The following DMXL1 variants were observed in gnomAD, a reference collection of about 807,000 sequenced individuals.
DMXL1 encodes the protein Dmx like 1, also known as dmX-like protein 1.
Under a neutral mutation model 319.2 loss-of-function variants are expected in DMXL1, and 99 were observed. The ratio of observed to expected loss-of-function variants is 0.31; its 90% CI spans 0.26 to 0.37. The LOEUF (loss-of-function observed/expected upper bound fraction) is 0.37, where lower values mean the gene tolerates loss of function less well. Ranked by LOEUF, DMXL1 falls within the 10% of genes least tolerant of loss-of-function variation. The probability of loss-of-function intolerance (pLI) is 1.00; values close to 1 mark genes in which losing one functional copy is unlikely to be tolerated. For synonymous variants in DMXL1, 1,385 were observed against 1,235.2 expected (o/e 1.12, Z -2.54); for missense variants, 3,745 against 3,595.6 (o/e 1.04, Z -1.06).
chr5:119,199,603 A>G (rs950823187), intron 32 of DMXL1, among the ~76,000 whole-genome samples: 3 of 152,158 alleles, frequency 2.0e-5, no homozygotes, highest in Admixed American at 6.5e-5. Flanking sequence ...TGCTAGGTCA[A>G]ATGATAGTTC....
At chr5:119,117,492 T>G (rs1761105644) in intron 7 of DMXL1, among the ~76,000 whole-genome samples, 1 of 147,136 alleles carries the variant, frequency 6.8e-6, no homozygotes. Flanking sequence ...GAAAAGAGAG[T>G]GAGAAAAAAT....
chr5:119,175,145 G>T, intron 25 of DMXL1, 116 bp from the exon 26 acceptor site: 2 of 602,990 alleles, frequency 3.3e-6, no homozygotes, highest in Non-Finnish European at 5.5e-6. Context: ...AGTTCATGAA[G>T]GCAAAGAATC....
At chr5:119,104,937 T>A (rs1758006928) in intron 3 of DMXL1, among the ~76,000 whole-genome samples, 1 of 152,208 alleles carries the variant, frequency 6.6e-6, no homozygotes. Flanking sequence ...AAGACTGTTA[T>A]CCAAGGTAGC....
intron 1 of DMXL1, among the ~76,000 whole-genome samples, chr5:119,082,318 G>C (rs1752432382): frequency 6.6e-6 from 1 of 151,588 alleles, no homozygotes; most frequent in Admixed American, 6.6e-5. Flanking sequence ...CTGTTGCCCA[G>C]GTTGGAGTGC....
chr5:119,125,352 C>G (rs1482344115), intron 9 of DMXL1, among the ~76,000 whole-genome samples: 2 of 152,112 alleles, frequency 1.3e-5, no homozygotes, highest in Non-Finnish European at 2.9e-5. Flanking sequence ...CATTTCCCCA[C>G]CTGCTGCTTA....
chr5:119,150,145 AAAG>A lies in DMXL1; in HGVS notation c.4321_4323del (p.Glu1441del). The A allele has an allele frequency of 1.2e-6, 2 of 1,613,870 alleles. No individual in the cohort carries two copies. The highest frequency in any genetic ancestry group is 1.7e-6 in the Non-Finnish European group (2 of 1,179,862). On this transcript the variant is annotated inframe_deletion, in exon 18 of 44. Transcript: ENST00000539542. Reference sequence around the variant, plus strand: ...GTTAAGTAAATCAAACCAATTATCTAAAGAAAGTTATGATGAGCTTTTTCAGAC... The same window carrying A: ...GTTAAGTAAATCAAACCAATTATCTAAAAGTTATGATGAGCTTTTTCAGAC...
chr5:119,122,929 G>A (rs1239179624), intron 9 of DMXL1, among the ~76,000 whole-genome samples: 1 of 152,188 alleles, frequency 6.6e-6, no homozygotes, highest in Non-Finnish European at 1.5e-5. Context: ...TGCAATCTCG[G>A]CACTTTGGGA....
chr5:119,164,386 C>A, intron 19 of DMXL1, 121 bp from the exon 20 acceptor site: 1 of 894,944 alleles, frequency 1.1e-6, no homozygotes, highest in Non-Finnish European at 1.6e-6. Flanking sequence ...TATTTCCAAT[C>A]TTAAACTGTG....
At chr5:119,229,828 A>G (rs1786329987) in intron 38 of DMXL1, among the ~76,000 whole-genome samples, 1 of 152,322 alleles carries the variant, frequency 6.6e-6, no homozygotes, top group South Asian at 2.1e-4. Flanking sequence ...GCAAATCTAT[A>G]TCTTTCATAA....
intron 32 of DMXL1, among the ~76,000 whole-genome samples, chr5:119,198,204 G>A (rs1035211388): frequency 2.0e-5 from 3 of 152,114 alleles, no homozygotes; most frequent in Non-Finnish European, 4.4e-5. Context: ...GGCCAGGCTG[G>A]TCTCAAACTC....
rs188620399 is a variant in DMXL1, at chr5:119,096,126, T to C, written c.88-1853T>C. ...CCATTTTTAATATTTTTTGATAGAG[T>C]ATACAGAATAATTTTGGTTTTGGTA... On this transcript the variant is annotated intron_variant, in intron 1 of 43. Coordinates refer to ENST00000539542, the MANE Select transcript of DMXL1 (RefSeq NM_001290321.3). Among the ~76,000 whole-genome samples the C allele has an allele frequency of 7.2e-5, 11 of 152,212 alleles. No individual in the cohort carries two copies. The East Asian group carries it at 1.7e-3, about 24-fold the overall frequency.
chr5:119,227,593 G>T (rs1785830812), intron 38 of DMXL1, among the ~76,000 whole-genome samples: 1 of 152,036 alleles, frequency 6.6e-6, no homozygotes, highest in South Asian at 2.1e-4. Flanking sequence ...TATATGTACA[G>T]TACCAGGCCA....
At chr5:119,162,834 G>T (rs1444547873) in intron 19 of DMXL1, among the ~76,000 whole-genome samples, 3 of 152,068 alleles carry the variant, frequency 2.0e-5, no homozygotes, top group South Asian at 2.1e-4. Context: ...ACAATGTAGG[G>T]TTTTTTTGTT....
intron 9 of DMXL1, among the ~76,000 whole-genome samples, chr5:119,125,565 A>T (rs1010941245): frequency 1.3e-5 from 2 of 151,956 alleles, no homozygotes; most frequent in African/African-American, 4.8e-5. Flanking sequence ...TGTAATTATT[A>T]TTATTGTTAT....
chr5:119,173,774 G>GTATATATATATATATATATATATATATA (rs1306952541), intron 25 of DMXL1, among the ~76,000 whole-genome samples: 2 of 33,662 alleles, frequency 5.9e-5, no homozygotes, highest in African/African-American at 1.4e-4. Flanking sequence ...ATATGTGTGT[G>GTATATATATATATATATATATATATATA]TGTATATATA....
At chr5:119,107,705 C>G (rs529114192) in intron 4 of DMXL1, among the ~76,000 whole-genome samples, 1 of 152,122 alleles carries the variant, frequency 6.6e-6, no homozygotes, top group African/African-American at 2.4e-5. Flanking sequence ...TTATATTAAG[C>G]AAAAGAAAAG....
chr5:119,084,896 C>T lies in DMXL1; in HGVS notation c.88-13083C>T, dbSNP rs555384111. On this transcript the variant is annotated intron_variant, in intron 1 of 43. Transcript: ENST00000539542. ...AAAAAAAAAAAGATCCTAAAATTGTCTTCTGTGTGGTCATTTTAACAATAT... is the reference window on the plus strand; with the variant it reads ...AAAAAAAAAAAGATCCTAAAATTGTTTTCTGTGTGGTCATTTTAACAATAT... Among the ~76,000 whole-genome samples the T allele has an allele frequency of 2.7e-5, 4 of 150,244 alleles. No individual in the cohort carries two copies. In the East Asian group the frequency reaches 7.9e-4, roughly 30 times the overall value.
Position 119,129,268 on chromosome 5 carries a change from C to T in DMXL1, c.1160C>T (p.Thr387Ile). The T allele has an allele frequency of 6.2e-7, 1 of 1,613,532 alleles. No homozygotes were observed. Among genetic ancestry groups the T allele is most frequent in the Non-Finnish European group, 8.5e-7 (1 of 1,179,722 alleles). The stretch of plus-strand genomic sequence containing the variant: ...AGTCTAAATGAAAATGAAGAGAAGA[C>T]CGGACCTTTTGTTGTACACTGGCTA... ...SLSLNENEEKTGPFVVHWLNN... is the reference protein window; with the variant it reads ...SLSLNENEEKIGPFVVHWLNN... The change falls in exon 10 of 44, where the codon ACC (threonine) becomes ATC (isoleucine). Residue 387 changes from threonine (T) to isoleucine (I), a missense_variant. By Grantham distance (89) the Thr-to-Ile change is moderately conservative (BLOSUM62 -1). Coordinates refer to ENST00000539542, the MANE Select transcript of DMXL1 (RefSeq NM_001290321.3).
rs773139601 is a variant in DMXL1, at chr5:119,143,846, T to C, written c.2382T>C (p.Tyr794=). ...AATTTTTTTAAAAAAAACAGAAATA[T>C]GTTGGTGAAGTCTTTAACATCGTCA... ...SELSNPEISK[Y]VGEVFNIVSQ... Residue 794 remains tyrosine, a synonymous_variant, in exon 14 of 44, where the codon TAT becomes TAC. Transcript: ENST00000539542. The C allele has an allele frequency of 6.4e-7, 1 of 1,569,656 alleles. No individual in the cohort carries two copies. Among genetic ancestry groups the C allele is most frequent in the East Asian group, 2.3e-5 (1 of 43,192 alleles).
Sources: gnomAD v4.1 joint callset for allele counts (sites outside exome capture counted in the v4.1 genomes callset) on GRCh38, gnomAD v4.1.1 for gene constraint, MANE v1.5 for transcripts, NCBI Gene and HGNC (gene_info 2026-07-23, HGNC 2026-07-21) for gene names.